PDE1A: variants seen among roughly 807,000 people sequenced by gnomAD.
PDE1A encodes phosphodiesterase 1A.
Under a neutral mutation model 61.7 loss-of-function variants are expected in PDE1A, and 35 were observed. That is an observed-to-expected ratio of 0.57 (90% CI 0.43 to 0.75). PDE1A has a LOEUF of 0.75. Ranked by LOEUF, PDE1A falls within the 30% of genes least tolerant of loss-of-function variation. The pLI, the probability that PDE1A is intolerant of heterozygous loss-of-function variation, is 0.00. For missense variants in PDE1A, 597 were observed against 630.6 expected (o/e 0.95, Z 0.57); for synonymous variants, 232 against 213.2 (o/e 1.09, Z -0.77).
chr2:182,539,660 C>T, the PDE1A span, among the ~76,000 whole-genome samples: 4 of 152,164 alleles, frequency 2.6e-5, no homozygotes, highest in Admixed American at 1.3e-4. Context: ...AGGAAAAAAA[C>T]GTTGTGTTAC....
the PDE1A span, among the ~76,000 whole-genome samples, chr2:182,609,312 C>T: frequency 6.6e-6 from 1 of 152,234 alleles, no homozygotes; most frequent in African/African-American, 2.4e-5. Flanking sequence ...ATGGACCAAT[C>T]AGCAGGATGT....
chr2:182,505,787 T>C (rs1689370076), intron 2 of PDE1A, among the ~76,000 whole-genome samples: 1 of 152,174 alleles, frequency 6.6e-6, no homozygotes, highest in African/African-American at 2.4e-5. Flanking sequence ...AGAGTAAGTA[T>C]GAGAGAGATT....
In PDE1A at chr2:182,505,049, T is replaced by A. The variant is rs547769945; in HGVS notation, c.101+17227A>T. Among the ~76,000 whole-genome samples the A allele has an allele frequency of 2.6e-5, 4 of 152,330 alleles. No individual in the cohort carries two copies. The East Asian group carries it at 7.7e-4, about 29-fold the overall frequency. ...CAAATTCAGTCAGCTTATCTCCCTGTCTGACTCACTGCAATTGGGAAACTT... is the reference window on the plus strand; with the variant it reads ...CAAATTCAGTCAGCTTATCTCCCTGACTGACTCACTGCAATTGGGAAACTT... On this transcript the variant is annotated intron_variant, in intron 2 of 14. Coordinates refer to the PDE1A transcript ENST00000410103.
the PDE1A span, among the ~76,000 whole-genome samples, chr2:182,688,048 C>A: frequency 6.6e-6 from 1 of 152,204 alleles, no homozygotes; most frequent in African/African-American, 2.4e-5. Context: ...AAATCTAGGT[C>A]TGACTGGTGT....
chr2:182,146,320 C>T (rs1372770844), downstream of PDE1A, among the ~76,000 whole-genome samples: 1 of 152,130 alleles, frequency 6.6e-6, no homozygotes, highest in Non-Finnish European at 1.5e-5. Flanking sequence ...TTTTAAGGAA[C>T]ATGATATTTG....
intron 1 of PDE1A, among the ~76,000 whole-genome samples, chr2:182,271,644 C>T (rs1477210668): frequency 6.6e-6 from 1 of 152,038 alleles, no homozygotes; most frequent in African/African-American, 2.4e-5. Context: ...AAGATCATAT[C>T]GAGTCTAAAC....
At chr2:182,267,410 T>C (rs993188364) in intron 1 of PDE1A, among the ~76,000 whole-genome samples, 1 of 141,874 alleles carries the variant, frequency 7.0e-6, no homozygotes, top group Non-Finnish European at 1.5e-5. Context: ...AGTAAAACCA[T>C]ATCCCCTCAT....
chr2:182,418,079 G>C (rs1274173600), intron 1 of PDE1A, among the ~76,000 whole-genome samples: 2 of 152,180 alleles, frequency 1.3e-5, no homozygotes, highest in East Asian at 3.9e-4. Context: ...ACACATTATA[G>C]CTAGAACTCA....
At chr2:182,179,838 G>A (rs1466015090) in intron 13 of PDE1A, among the ~76,000 whole-genome samples, 1 of 152,166 alleles carries the variant, frequency 6.6e-6, no homozygotes, top group East Asian at 1.9e-4. Context: ...TTATTTTTAA[G>A]AGGGTGAAGT....
intron 4 of PDE1A, 102 bp downstream of exon 4, chr2:182,234,330 A>T (rs1399115528): frequency 2.7e-6 from 2 of 744,556 alleles, no homozygotes; most frequent in East Asian, 2.6e-5. Context: ...ACGTTCTAAG[A>T]TGTAGGCTGC....
chr2:182,420,142 GCTGGA>G (rs1703184705), intron 1 of PDE1A, among the ~76,000 whole-genome samples: 1 of 152,050 alleles, frequency 6.6e-6, no homozygotes, highest in African/African-American at 2.4e-5. Context: ...ATTGGATGCA[GCTGGA>G]CTGAGCAGTA....
At chr2:182,521,995 C>T (rs1690597010) in intron 2 of PDE1A, among the ~76,000 whole-genome samples, 1 of 152,080 alleles carries the variant, frequency 6.6e-6, no homozygotes, top group Admixed American at 6.6e-5. Context: ...TTCTGCATAT[C>T]TGAACCACAT....
At chr2:182,393,940 A>C (rs191220744) in intron 1 of PDE1A, among the ~76,000 whole-genome samples, 1 of 152,298 alleles carries the variant, frequency 6.6e-6, no homozygotes, top group East Asian at 1.9e-4. Flanking sequence ...AGGAAGTTCC[A>C]CACTTTCCCA....
At chr2:182,186,936 G>A (rs1053434896) in intron 11 of PDE1A, among the ~76,000 whole-genome samples, 1 of 152,108 alleles carries the variant, frequency 6.6e-6, no homozygotes, top group African/African-American at 2.4e-5. Context: ...CTCAACACCA[G>A]GGATCATTAT....
At chr2:182,324,250 G>A (rs928913326) in intron 1 of PDE1A, among the ~76,000 whole-genome samples, 1 of 151,982 alleles carries the variant, frequency 6.6e-6, no homozygotes, top group Non-Finnish European at 1.5e-5. Flanking sequence ...TTAGAGAACA[G>A]GGAGGAGAAT....
chr2:182,296,101 T>C (rs750486358), intron 1 of PDE1A, among the ~76,000 whole-genome samples: 1 of 152,178 alleles, frequency 6.6e-6, no homozygotes, highest in Non-Finnish European at 1.5e-5. Flanking sequence ...ACTAAAAATA[T>C]AATCATGGTA....
intron 7 of PDE1A, among the ~76,000 whole-genome samples, chr2:182,206,956 G>T (rs1043638529): frequency 1.3e-5 from 2 of 152,152 alleles, no homozygotes; most frequent in African/African-American, 2.4e-5. Context: ...ATGGCCTGTG[G>T]AACTGTGAGT....
chr2:182,545,747 A>G, the PDE1A span, among the ~76,000 whole-genome samples: 2 of 152,356 alleles, frequency 1.3e-5, no homozygotes, highest in South Asian at 4.1e-4. Context: ...TGACTTCTGC[A>G]GCACAGTGAA....
At chr2:182,343,939 A>G (rs533344366) in intron 1 of PDE1A, among the ~76,000 whole-genome samples, 1 of 151,412 alleles carries the variant, frequency 6.6e-6, no homozygotes, top group African/African-American at 2.4e-5. Context: ...GCACAATCAC[A>G]GCTCAGTGCA....
Sources: allele counts gnomAD v4.1 joint callset (sites outside exome capture counted in the v4.1 genomes callset), GRCh38; gene constraint gnomAD v4.1.1; transcripts MANE v1.5; gene names NCBI Gene and HGNC (gene_info 2026-07-23, HGNC 2026-07-21).